The following SCNN1B variants were observed in gnomAD, a reference collection of about 807,000 sequenced individuals.
SCNN1B encodes the protein epithelial sodium channel subunit beta.
SCNN1B carries 46 observed loss-of-function variants against 65.3 expected under a neutral mutation model. The ratio of observed to expected loss-of-function variants is 0.70; its 90% confidence interval spans 0.56 to 0.90. SCNN1B has a LOEUF of 0.90. SCNN1B is among the 40% of genes least tolerant of loss of function. The pLI is 0.00. For synonymous variants in SCNN1B, 349 were observed against 330.6 expected (o/e 1.06, Z -0.60); for missense variants, 751 against 830.5 (o/e 0.90, Z 1.18).
chr16:23,357,403 C>T (rs780190589), intron 4 of SCNN1B, among the ~76,000 whole-genome samples: 3 of 152,172 alleles, frequency 2.0e-5, no homozygotes, highest in Non-Finnish European at 4.4e-5. Flanking sequence ...GCCAACATGG[C>T]GAAACCTTGT....
At chr16:23,340,834 T>A (rs1243013735) in intron 1 of SCNN1B, among the ~76,000 whole-genome samples, 1 of 152,254 alleles carries the variant, frequency 6.6e-6, no homozygotes, top group Non-Finnish European at 1.5e-5. Context: ...AGTGTTGATA[T>A]CACATAGAAA....
chr16:23,345,536 C>T (rs1962168432), intron 1 of SCNN1B, among the ~76,000 whole-genome samples: 1 of 152,172 alleles, frequency 6.6e-6, no homozygotes, highest in Non-Finnish European at 1.5e-5. Flanking sequence ...GCTTTATTCT[C>T]AGGAAGACTT....
intron 1 of SCNN1B, among the ~76,000 whole-genome samples, chr16:23,283,550 A>G (rs531680438): frequency 3.1e-4 from 47 of 152,348 alleles, no homozygotes; most frequent in East Asian, 3.9e-4. Flanking sequence ...ATGGTTGTAT[A>G]GGTACTCCAG....
chr16:23,288,378 C>T (rs1042395333), intron 2 of SCNN1B, among the ~76,000 whole-genome samples: 3 of 152,134 alleles, frequency 2.0e-5, no homozygotes, highest in Non-Finnish European at 2.9e-5. Flanking sequence ...ACTATTGCCA[C>T]GTAGCAAATT....
intron 5 of SCNN1B, among the ~76,000 whole-genome samples, chr16:23,369,341 C>G (rs979231625): frequency 4.6e-5 from 7 of 152,120 alleles, no homozygotes; most frequent in African/African-American, 1.7e-4. Context: ...TCCTTGGCCT[C>G]TCAAAGTACT....
At chr16:23,288,145 C>T (rs990041909) in intron 2 of SCNN1B, among the ~76,000 whole-genome samples, 3 of 151,888 alleles carry the variant, frequency 2.0e-5, no homozygotes, top group Non-Finnish European at 2.9e-5. Context: ...AAAGTGAGAC[C>T]CTGTCTAGAC....
intron 1 of SCNN1B, among the ~76,000 whole-genome samples, chr16:23,278,697 T>C (rs1243542138): frequency 6.8e-6 from 1 of 146,256 alleles, no homozygotes; most frequent in African/African-American, 2.5e-5. Flanking sequence ...CACTTTAAAA[T>C]GGTTAATTTT....
chr16:23,278,812 C>T (rs1032014189), intron 1 of SCNN1B, among the ~76,000 whole-genome samples: 3 of 151,966 alleles, frequency 2.0e-5, no homozygotes, highest in Non-Finnish European at 2.9e-5. Flanking sequence ...TGATTGCATG[C>T]ACCTGTAGTC....
intron 1 of SCNN1B, among the ~76,000 whole-genome samples, chr16:23,332,202 T>C (rs1961826786): frequency 1.3e-5 from 2 of 151,668 alleles, no homozygotes; most frequent in African/African-American, 4.8e-5. Context: ...CTCTTTTTTT[T>C]TTTTCTTTTT....
intron 1 of SCNN1B, among the ~76,000 whole-genome samples, chr16:23,313,518 C>T (rs1961387324): frequency 6.6e-6 from 1 of 152,224 alleles, no homozygotes; most frequent in South Asian, 2.1e-4. Context: ...TCTTTTTCAA[C>T]ACATGCTATC....
intron 1 of SCNN1B, among the ~76,000 whole-genome samples, chr16:23,309,405 A>AATG (rs1961290760): frequency 7.4e-6 from 1 of 135,248 alleles, no homozygotes; most frequent in African/African-American, 3.2e-5. Context: ...TAGATAGATA[A>AATG]ATGATGATAG....
chr16:23,303,892 CTGAG>C (rs1158822954), intron 1 of SCNN1B: 1 of 676,870 alleles, frequency 1.5e-6, no homozygotes, highest in African/African-American at 1.8e-5. Flanking sequence ...GCACTCTAGC[CTGAG>C]TGAAAGAGCA....
At chr16:23,350,220 C>T (rs2142017690) in intron 2 of SCNN1B, among the ~76,000 whole-genome samples, 1 of 152,310 alleles carries the variant, frequency 6.6e-6, no homozygotes, top group Admixed American at 6.5e-5. Context: ...GTCGCAGCCC[C>T]AGTTTACAGG....
chr16:23,346,013 A>C (rs1213657783), intron 1 of SCNN1B, among the ~76,000 whole-genome samples: 3 of 151,948 alleles, frequency 2.0e-5, no homozygotes, highest in African/African-American at 7.3e-5. Flanking sequence ...TGTCCTTAGA[A>C]ACCCTCATGT....
In SCNN1B at chr16:23,355,506, G is replaced by A; in HGVS notation, c.776+17G>A. ...CAACTACCGGTGAGAGCCACCCCAA[G>A]CCCACCCGGCCAGGCCCTGGCACCG... is the stretch of plus-strand genomic sequence containing the variant. On this transcript the variant is annotated intron_variant, in intron 4 of 12. Coordinates refer to ENST00000343070, the MANE Select transcript of SCNN1B (RefSeq NM_000336.3). 6.2e-7 allele frequency: 1 copy of A among 1,613,294 alleles called. No homozygotes were observed. The highest frequency in any genetic ancestry group is 8.5e-7 in the Non-Finnish European group (1 of 1,179,830).
intron 1 of SCNN1B, among the ~76,000 whole-genome samples, chr16:23,305,657 G>A (rs1961202169): frequency 6.9e-6 from 1 of 144,216 alleles, no homozygotes; most frequent in Non-Finnish European, 1.5e-5. Flanking sequence ...TGAGGTGAGA[G>A]GCTCCCCTGA....
At chr16:23,374,806 A>C (rs927810726) in intron 7 of SCNN1B, among the ~76,000 whole-genome samples, 1 of 151,566 alleles carries the variant, frequency 6.6e-6, no homozygotes, top group Non-Finnish European at 1.5e-5. Flanking sequence ...GGCGGGGCCG[A>C]GTGGAGAGAG....
At chr16:23,373,531 C>A (rs1255064652) in intron 7 of SCNN1B, among the ~76,000 whole-genome samples, 1 of 152,190 alleles carries the variant, frequency 6.6e-6, no homozygotes, top group East Asian at 1.9e-4. Context: ...TAGTCCTGGC[C>A]CCCTTGGAGA....
At chr16:23,325,029 G>A (rs1961664264) in intron 1 of SCNN1B, among the ~76,000 whole-genome samples, 1 of 152,228 alleles carries the variant, frequency 6.6e-6, no homozygotes, top group African/African-American at 2.4e-5. Context: ...CTGGCAATAA[G>A]GAAAGCAAAC....
Sources: gnomAD v4.1 joint callset for allele counts (sites outside exome capture counted in the v4.1 genomes callset) on GRCh38, gnomAD v4.1.1 for gene constraint, MANE v1.5 for transcripts, NCBI Gene and HGNC (gene_info 2026-07-23, HGNC 2026-07-21) for gene names.